The following TTC39C variants were observed in gnomAD, a reference collection of about 807,000 sequenced individuals.
TTC39C encodes tetratricopeptide repeat domain 39C.
A neutral mutation model predicts 76.3 loss-of-function variants in TTC39C; 33 were observed. The observed-to-expected ratio is 0.43, with a 90% CI of 0.33 to 0.58. The LOEUF is 0.58. Among genes scored for constraint, TTC39C ranks in the 20% least tolerant of loss-of-function variants. The pLI is 0.04. For synonymous variants in TTC39C, 254 were observed against 260.6 expected, an observed-to-expected ratio of 0.97 and a Z score of 0.24; for missense variants, 595 against 701.4, an observed-to-expected ratio of 0.85 and a Z score of 1.71.
intron 1 of TTC39C, among the ~76,000 whole-genome samples, chr18:24,063,618 T>C (rs1478769937): frequency 6.6e-6 from 1 of 150,726 alleles, no homozygotes; most frequent in Non-Finnish European, 1.5e-5. Context: ...ATTCACGCAA[T>C]TGTCCCTGCC....
chr18:24,113,984 A>G (rs2084854837), intron 6 of TTC39C: 2 of 385,492 alleles, frequency 5.2e-6, no homozygotes, highest in South Asian at 4.6e-5. Context: ...TAGGGTATAG[A>G]AGCAAACTAT....
chr18:24,074,962 T>C (rs2084284858), intron 4 of TTC39C, among the ~76,000 whole-genome samples: 2 of 152,200 alleles, frequency 1.3e-5, no homozygotes, highest in Admixed American at 6.5e-5. Context: ...CATGGAATAC[T>C]ATGCAGCCAT....
Position 24,036,752 on chromosome 18 carries a change from C to T in TTC39C, c.167+21714C>T, listed in dbSNP as rs1002734846. 9.9e-5 allele frequency among the ~76,000 whole-genome samples: 15 copies of T among 152,260 alleles called. No homozygotes were observed. In the East Asian group the frequency reaches 2.9e-3, roughly 29 times the overall value. On this transcript the variant is annotated intron_variant, in intron 1 of 13. Coordinates refer to ENST00000317571, the MANE Select transcript of TTC39C (RefSeq NM_001135993.2). ...GCTCAGGTGATTGTCCCACCTCAGC[C>T]TCCTGAGTAGCTGGAGCTACAGGTG...
chr18:24,045,021 C>A (rs1013806607), intron 1 of TTC39C, among the ~76,000 whole-genome samples: 3 of 152,082 alleles, frequency 2.0e-5, no homozygotes, highest in African/African-American at 7.2e-5. Flanking sequence ...GTAATCCCAG[C>A]ACTTTGGGAG....
In TTC39C at chr18:24,074,566, G is replaced by A. The variant is rs140481300; in HGVS notation, c.460+5295G>A. Among the ~76,000 whole-genome samples, 144 of 152,276 alleles carry A rather than the reference G, an allele frequency of 9.5e-4. 2 individuals carry two copies. In the East Asian group the frequency reaches 0.023, roughly 24 times the overall value. On this transcript the variant is annotated intron_variant, in intron 4 of 13. Transcript: ENST00000317571. Reference sequence around the variant, plus strand: ...CATGAAAAAATGCTCATCATCACCGGCCATCAGAGAAATGCAGATCAAAAT... The same window carrying A: ...CATGAAAAAATGCTCATCATCACCGACCATCAGAGAAATGCAGATCAAAAT...
chr18:24,005,156 A>G (rs2083342494), intron 1 of TTC39C, among the ~76,000 whole-genome samples: 1 of 152,240 alleles, frequency 6.6e-6, no homozygotes, highest in Non-Finnish European at 1.5e-5. Context: ...AATGAGATCT[A>G]TGTTTAAACC....
At chr18:24,091,026 C>T (rs181019404) in intron 6 of TTC39C, among the ~76,000 whole-genome samples, 220 of 152,224 alleles carry the variant, frequency 1.4e-3, no homozygotes, top group African/African-American at 5.0e-3. Flanking sequence ...AGGCTGTTTT[C>T]GAACTCCTGA....
intron 1 of TTC39C, among the ~76,000 whole-genome samples, chr18:24,041,031 A>G (rs745751410): frequency 2.0e-5 from 3 of 152,236 alleles, no homozygotes; most frequent in Non-Finnish European, 4.4e-5. Flanking sequence ...AACGAAGTGG[A>G]TTGAGTTCAG....
chr18:24,000,704 A>C (rs897468533), intron 1 of TTC39C: 1 of 152,240 alleles, frequency 6.6e-6, no homozygotes, highest in African/African-American at 2.4e-5. Flanking sequence ...ACACAGTCAC[A>C]CAGCGCTCTG....
chr18:24,064,930 C>A (rs1298205922), intron 2 of TTC39C, among the ~76,000 whole-genome samples: 1 of 152,156 alleles, frequency 6.6e-6, no homozygotes, highest in East Asian at 1.9e-4. Flanking sequence ...CCTCTTATTG[C>A]CAGTTAATGC....
intron 8 of TTC39C, among the ~76,000 whole-genome samples, chr18:24,121,184 C>T (rs180692454): frequency 8.8e-4 from 134 of 152,240 alleles, no homozygotes; most frequent in Non-Finnish European, 1.3e-3. Flanking sequence ...TATATTTAGT[C>T]TTATTGGAAG....
chr18:24,122,392 C>T (rs2084978286), intron 8 of TTC39C, among the ~76,000 whole-genome samples: 1 of 147,192 alleles, frequency 6.8e-6, no homozygotes, highest in South Asian at 2.2e-4. Flanking sequence ...GTCCCAGCTA[C>T]TCAGGAGGCT....
chr18:24,016,278 G>A (rs1216605040), intron 1 of TTC39C, among the ~76,000 whole-genome samples: 1 of 152,156 alleles, frequency 6.6e-6, no homozygotes, highest in Admixed American at 6.5e-5. Flanking sequence ...AAGCATACAG[G>A]TCTGGTTTCA....
At chr18:24,045,927 AT>A (rs1156578816) in intron 1 of TTC39C, among the ~76,000 whole-genome samples, 50 of 25,492 alleles carry the variant, frequency 2.0e-3, no homozygotes, top group Non-Finnish European at 2.6e-3. Flanking sequence ...ATATATATAT[AT>A]TTTTTTTTTT....
intron 8 of TTC39C, among the ~76,000 whole-genome samples, chr18:24,121,501 C>T (rs1391162245): frequency 2.0e-5 from 3 of 152,086 alleles, no homozygotes; most frequent in Admixed American, 6.6e-5. Flanking sequence ...ATTGCTTGAA[C>T]CCAGGAGGCA....
At chr18:24,051,426 C>G (rs940587508) in intron 1 of TTC39C, among the ~76,000 whole-genome samples, 1 of 152,214 alleles carries the variant, frequency 6.6e-6, no homozygotes, top group Non-Finnish European at 1.5e-5. Flanking sequence ...GGGACAGGTA[C>G]CCCTCCAGGC....
At chr18:24,069,311 G>A (rs1444607404) in intron 4 of TTC39C, 40 bp downstream of exon 4, 1 of 1,524,136 alleles carries the variant, frequency 6.6e-7, no homozygotes, top group Non-Finnish European at 9.1e-7. Context: ...TCAGTATTCA[G>A]TGCACACAAT....
intron 1 of TTC39C, among the ~76,000 whole-genome samples, chr18:24,001,871 G>C (rs1183475203): frequency 7.1e-6 from 1 of 140,436 alleles, no homozygotes; most frequent in Non-Finnish European, 1.5e-5. Flanking sequence ...TGTGGCCCAG[G>C]CGGGAGTGCA....
intron 1 of TTC39C, among the ~76,000 whole-genome samples, chr18:24,000,056 C>A (rs1392821933): frequency 3.3e-5 from 5 of 152,156 alleles, no homozygotes; most frequent in Non-Finnish European, 7.3e-5. Flanking sequence ...ACCATGGGGG[C>A]AGGACACTTT....
Sources: allele counts gnomAD v4.1 joint callset (sites outside exome capture counted in the v4.1 genomes callset), GRCh38; gene constraint gnomAD v4.1.1; transcripts MANE v1.5; gene names NCBI Gene and HGNC (gene_info 2026-07-23, HGNC 2026-07-21).